Variants in FAM171B observed in about 807,000 individuals in gnomAD.
The protein encoded by FAM171B is family with sequence similarity 171 member B.
Under a neutral mutation model 75.6 loss-of-function variants are expected in FAM171B, and 19 were observed. The observed-to-expected ratio is 0.25, with a 90% CI of 0.18 to 0.37. FAM171B has a LOEUF of 0.37. Among genes scored for constraint, FAM171B ranks in the 10% least tolerant of loss-of-function variants. FAM171B has a pLI of 1.00. For synonymous variants in FAM171B, 367 were observed against 361.7 expected (o/e 1.01, Z -0.17); for missense variants, 848 against 982.4 (o/e 0.86, Z 1.83).
intron 1 of FAM171B, among the ~76,000 whole-genome samples, chr2:186,703,101 A>AC (rs1689686885): frequency 4.0e-5 from 6 of 151,168 alleles, no homozygotes; most frequent in South Asian, 2.1e-4. Context: ...ACACACACAC[A>AC]AAAGATCTCA....
chr2:186,745,892 C>G (rs926211370), intron 3 of FAM171B, among the ~76,000 whole-genome samples: 1 of 152,222 alleles, frequency 6.6e-6, no homozygotes, highest in African/African-American at 2.4e-5. Context: ...AACAACCAAA[C>G]AGCATATAAT....
chr2:186,708,846 A>G (rs773234796), intron 1 of FAM171B, among the ~76,000 whole-genome samples: 5 of 152,214 alleles, frequency 3.3e-5, no homozygotes, highest in Admixed American at 2.0e-4. Flanking sequence ...TACTTCAAAT[A>G]TCACGATATA....
At chr2:186,721,277 C>T (rs1052673640) in intron 1 of FAM171B, among the ~76,000 whole-genome samples, 2 of 152,038 alleles carry the variant, frequency 1.3e-5, no homozygotes, top group East Asian at 1.9e-4. Context: ...AAAGGTTAGT[C>T]TCCTAGGTAA....
At chr2:186,697,382 A>C (rs1268308795) in intron 1 of FAM171B, among the ~76,000 whole-genome samples, 1 of 152,046 alleles carries the variant, frequency 6.6e-6, no homozygotes, top group African/African-American at 2.4e-5. Context: ...GCTGAACTAC[A>C]GATGCGTGCC....
Position 186,713,126 on chromosome 2 carries a change from G to T in FAM171B, c.238+18715G>T, listed in dbSNP as rs192888191. Among the ~76,000 whole-genome samples, 7 of 152,292 alleles carry T rather than the reference G, an allele frequency of 4.6e-5. No homozygotes were observed. In the East Asian group the frequency reaches 1.2e-3, roughly 25 times the overall value. On this transcript the variant is annotated intron_variant, in intron 1 of 7. Transcript: ENST00000304698. ...TGGTGAGTCTGAGACTTGAAGGAAG[G>T]CCTGTGCGGCTGCCCTGGAGAGCAT... is the stretch of plus-strand genomic sequence containing the variant.
chr2:186,730,037 C>T (rs1020670842), intron 1 of FAM171B, among the ~76,000 whole-genome samples: 2 of 152,214 alleles, frequency 1.3e-5, no homozygotes, highest in Non-Finnish European at 2.9e-5. Context: ...TCTCACCTCA[C>T]TGCAACCTCC....
Position 186,732,396 on chromosome 2 carries a change from G to C in FAM171B, c.239-7832G>C, listed in dbSNP as rs796455461. Among the ~76,000 whole-genome samples, 20 of 152,306 alleles carry C rather than the reference G, an allele frequency of 1.3e-4. 1 individual carries two copies. Among genetic ancestry groups the C allele is most frequent in the African/African-American group, 4.8e-4 (20 of 41,578 alleles). ...TCCATAGTTCCAAGATGGCTTTGGAGTCCTTCGTGGTGTTGGCAGTGGTGA... is the reference window on the plus strand; with the variant it reads ...TCCATAGTTCCAAGATGGCTTTGGACTCCTTCGTGGTGTTGGCAGTGGTGA... On this transcript the variant is annotated intron_variant, in intron 1 of 7. Coordinates refer to ENST00000304698, the MANE Select transcript of FAM171B (RefSeq NM_177454.4).
chr2:186,763,124 T>C lies in FAM171B; in HGVS notation c.*301T>C. 2 of 291,970 alleles carry C rather than the reference T, an allele frequency of 6.9e-6. No individual in the cohort carries two copies. The highest frequency in any genetic ancestry group is 1.3e-5 in the Non-Finnish European group (2 of 155,278). 18.1% of individuals were successfully genotyped at this position (291,970 alleles called of 1,614,324 possible). On this transcript the variant is annotated 3_prime_UTR_variant, in exon 8 of 8. Transcript: ENST00000304698. ...GCCAGCCAGTTTGGCCTTGACTCTCTTAAGAATAACAGTGAAATATATACT... is the reference window on the plus strand; with the variant it reads ...GCCAGCCAGTTTGGCCTTGACTCTCCTAAGAATAACAGTGAAATATATACT...
rs1690625988 is a variant in FAM171B at position 186,762,051 on chromosome 2, A to G, written c.1709A>G (p.Tyr570Cys). Reference protein sequence around the residue: ...ATLPRKGQLVYGQLMEPVNRE... With the variant: ...ATLPRKGQLVCGQLMEPVNRE... The stretch of plus-strand genomic sequence containing the variant: ...TTGCCAAGAAAGGGACAGTTAGTCT[A>G]TGGCCAATTGATGGAACCAGTAAAT... Residue 570 changes from tyrosine (Y) to cysteine (C), a missense_variant, in exon 8 of 8, where the codon TAT becomes TGT. By Grantham distance (194) the Tyr-to-Cys change is radical. Around this residue, in one of 3 missense-constraint regions of FAM171B, gnomAD observed 665 missense variants for 729.0 expected, o/e 0.91. Transcript: ENST00000304698. This position sits in a 1 kb window ranked among gnomAD's most constrained non-coding sequence, Gnocchi z 4.0. 5 of 1,613,710 alleles carry G rather than the reference A, an allele frequency of 3.1e-6. No homozygotes were observed. Among genetic ancestry groups the G allele is most frequent in the Non-Finnish European group, 3.4e-6 (4 of 1,179,800 alleles).
At chr2:186,760,574 A>T (rs1303933512) in intron 6 of FAM171B, among the ~76,000 whole-genome samples, 1 of 151,900 alleles carries the variant, frequency 6.6e-6, no homozygotes, top group Non-Finnish European at 1.5e-5. Context: ...CTCTTGAAAC[A>T]GTTTTCTCAC....
At chr2:186,746,968 G>A in intron 3 of FAM171B, 124 bp from the exon 4 acceptor site, 1 of 684,958 alleles carries the variant, frequency 1.5e-6, no homozygotes, top group Non-Finnish European at 2.4e-6. Flanking sequence ...ATAATTACAT[G>A]AGAAGATGCT....
At position 186,694,164 on chromosome 2, in the gene FAM171B, G is replaced by T. The variant is rs1689537376; in HGVS notation, c.-10G>T. On this transcript the variant is annotated 5_prime_UTR_variant, in exon 1 of 8. Coordinates refer to ENST00000304698, the MANE Select transcript of FAM171B (RefSeq NM_177454.4). ...CGCAATATGCCGCCGCGGCCCTCTG[G>T]CTCTAGGCCATGGCGAGGCTCTGCC... 1 of 1,586,484 alleles carries T rather than the reference G, an allele frequency of 6.3e-7. No individual in the cohort carries two copies.
chr2:186,702,378 G>A (rs1689675020), intron 1 of FAM171B, among the ~76,000 whole-genome samples: 1 of 152,198 alleles, frequency 6.6e-6, no homozygotes, highest in Admixed American at 6.5e-5. Flanking sequence ...TGTCATATAT[G>A]TGGTCTGTTG....
chr2:186,736,452 C>T (rs2682861), intron 1 of FAM171B, among the ~76,000 whole-genome samples: 141,095 of 152,018 alleles, frequency 0.93, 66,092 homozygotes, highest in Non-Finnish European at 1. Flanking sequence ...ACTAACACAA[C>T]GCATGGCTTA....
At chr2:186,696,775 G>A (rs1370051223) in intron 1 of FAM171B, among the ~76,000 whole-genome samples, 1 of 151,952 alleles carries the variant, frequency 6.6e-6, no homozygotes, top group African/African-American at 2.4e-5. Flanking sequence ...ACCTTTTCCT[G>A]ACCAGGTGTT....
intron 1 of FAM171B, among the ~76,000 whole-genome samples, chr2:186,700,501 A>C (rs1036364086): frequency 3.9e-5 from 6 of 152,194 alleles, no homozygotes; most frequent in Admixed American, 3.3e-4. Flanking sequence ...AATGGAATCC[A>C]TGGCGTGTGT....
chr2:186,694,248 G>C lies in FAM171B; in HGVS notation c.75G>C (p.Leu25=). 1 of 1,611,056 alleles carries C rather than the reference G, an allele frequency of 6.2e-7. No individual in the cohort carries two copies. The highest frequency in any genetic ancestry group is 8.5e-7 in the Non-Finnish European group (1 of 1,179,688). ...CCGTGGTGCTGCTGAAAGCGCGGCT[G>C]GTCCCCGCGGCCGCCAGAGCGGAAC... ...GLAVVLLKAR[L]VPAAARAELS... Residue 25 remains leucine (L), a synonymous_variant, in exon 1 of 8, where the codon CTG becomes CTC. Coordinates refer to ENST00000304698, the MANE Select transcript of FAM171B (RefSeq NM_177454.4).
intron 4 of FAM171B, among the ~76,000 whole-genome samples, chr2:186,749,405 C>T (rs1574111435): frequency 6.6e-6 from 1 of 152,152 alleles, no homozygotes; most frequent in Non-Finnish European, 1.5e-5. Flanking sequence ...AGCCAGCCAA[C>T]TGGTTTTACT....
chr2:186,749,932 TGAG>T (rs1690425062), intron 4 of FAM171B, among the ~76,000 whole-genome samples: 1 of 151,930 alleles, frequency 6.6e-6, no homozygotes, highest in Non-Finnish European at 1.5e-5. Context: ...AAAAAACTGA[TGAG>T]GAGTAAATAC....
Sources: allele counts gnomAD v4.1 joint callset (sites outside exome capture counted in the v4.1 genomes callset), GRCh38; gene constraint gnomAD v4.1.1; regional missense constraint gnomAD v4.1.1; non-coding constraint Gnocchi (gnomAD v3.1); transcripts MANE v1.5; gene names NCBI Gene and HGNC (gene_info 2026-07-23, HGNC 2026-07-21).